SEZ6L: variants seen among roughly 807,000 people sequenced by gnomAD.
SEZ6L encodes seizure related 6 homolog like, also known as seizure 6-like protein.
Under a neutral mutation model 106.2 loss-of-function variants are expected in SEZ6L, and 37 were observed. The ratio of observed to expected loss-of-function variants is 0.35; its 90% confidence interval spans 0.27 to 0.46. SEZ6L has a LOEUF of 0.46. SEZ6L is among the 20% of genes least tolerant of loss of function. SEZ6L has a pLI of 1.00. For synonymous variants in SEZ6L, 541 were observed against 570.4 expected, an observed-to-expected ratio of 0.95 and a Z score of 0.73; for missense variants, 1,172 against 1,332.8, an observed-to-expected ratio of 0.88 and a Z score of 1.88.
At chr22:26,261,941 G>T (rs1422446427) in intron 1 of SEZ6L, among the ~76,000 whole-genome samples, 1 of 152,100 alleles carries the variant, frequency 6.6e-6, no homozygotes, top group Admixed American at 6.6e-5. Flanking sequence ...GTGGATTTCA[G>T]CTGAGTGATC....
chr22:26,298,919 G>A, intron 4 of SEZ6L, 65 bp from the exon 5 acceptor site: 1 of 1,453,100 alleles, frequency 6.9e-7, no homozygotes. Flanking sequence ...CTCCCAGGAT[G>A]TGGGTCAGGT....
At chr22:26,256,538 T>G (rs747439815) in intron 1 of SEZ6L, among the ~76,000 whole-genome samples, 1 of 152,232 alleles carries the variant, frequency 6.6e-6, no homozygotes, top group Non-Finnish European at 1.5e-5. Flanking sequence ...AAGACACAGA[T>G]GCCTCAGTGC....
intron 5 of SEZ6L, among the ~76,000 whole-genome samples, chr22:26,303,044 G>A (rs1452991475): frequency 6.6e-6 from 1 of 152,210 alleles, no homozygotes; most frequent in Non-Finnish European, 1.5e-5. Flanking sequence ...TGTCCTATAA[G>A]GAGGGTGGAC....
At chr22:26,243,053 CCT>C (rs2145774748) in intron 1 of SEZ6L, among the ~76,000 whole-genome samples, 1 of 152,268 alleles carries the variant, frequency 6.6e-6, no homozygotes, top group South Asian at 2.1e-4. Flanking sequence ...CTCTGCTCTA[CCT>C]CTGTCTCATA....
intron 1 of SEZ6L, among the ~76,000 whole-genome samples, chr22:26,219,796 T>C (rs945876142): frequency 6.6e-6 from 1 of 151,980 alleles, no homozygotes. Flanking sequence ...CAAGGCCTGT[T>C]GAGGGAGGTA....
At chr22:26,247,355 A>C (rs927604349) in intron 1 of SEZ6L, among the ~76,000 whole-genome samples, 4 of 152,202 alleles carry the variant, frequency 2.6e-5, no homozygotes, top group African/African-American at 9.7e-5. Context: ...ATGTCTGCCG[A>C]AAAGCTCAGG....
At chr22:26,219,736 A>C (rs1328881276) in intron 1 of SEZ6L, among the ~76,000 whole-genome samples, 1 of 152,364 alleles carries the variant, frequency 6.6e-6, no homozygotes, top group East Asian at 1.9e-4. Flanking sequence ...GCCTGGTGAC[A>C]GCGATGAAAA....
chr22:26,236,307 G>T (rs974552049), intron 1 of SEZ6L, among the ~76,000 whole-genome samples: 1 of 152,162 alleles, frequency 6.6e-6, no homozygotes, highest in African/African-American at 2.4e-5. Flanking sequence ...GAGGGGGACC[G>T]ACCCTCTAAT....
chr22:26,290,777 C>T (rs1402830181), intron 1 of SEZ6L, among the ~76,000 whole-genome samples: 1 of 152,236 alleles, frequency 6.6e-6, no homozygotes, highest in Non-Finnish European at 1.5e-5. Flanking sequence ...CCGTACTCTC[C>T]ACTTGTGCTC....
At chr22:26,305,947 T>C in intron 5 of SEZ6L, 32 bp from the exon 6 acceptor site, 1 of 1,519,176 alleles carries the variant, frequency 6.6e-7, no homozygotes, top group Non-Finnish European at 9.1e-7. Flanking sequence ...CTCTGCTCTC[T>C]CCCATTGCCC....
chr22:26,322,373 T>C (rs12160556), intron 9 of SEZ6L, among the ~76,000 whole-genome samples: 3,314 of 152,208 alleles, frequency 0.022, 127 homozygotes, highest in African/African-American at 0.076. Context: ...GTCTCGGCAA[T>C]GTAGCAGCGA....
At chr22:26,295,969 A>G (rs1432064282) in intron 3 of SEZ6L, among the ~76,000 whole-genome samples, 2 of 152,150 alleles carry the variant, frequency 1.3e-5, no homozygotes, top group African/African-American at 4.8e-5. Context: ...ATCAAAGAGA[A>G]AAGAGGATAA....
chr22:26,202,548 C>G (rs904116931), intron 1 of SEZ6L, among the ~76,000 whole-genome samples: 5 of 152,234 alleles, frequency 3.3e-5, no homozygotes, highest in Non-Finnish European at 7.3e-5. Context: ...CTTGAGGACA[C>G]TGTCAGGCAC....
At chr22:26,310,629 G>A (rs750638918) in intron 6 of SEZ6L, 41 bp from the exon 7 acceptor site, 14 of 1,608,758 alleles carry the variant, frequency 8.7e-6, no homozygotes, top group African/African-American at 1.3e-5. Flanking sequence ...AGTGACCCAG[G>A]AAGATCTGTC....
intron 5 of SEZ6L, among the ~76,000 whole-genome samples, chr22:26,304,667 G>A (rs1356273932): frequency 6.6e-6 from 1 of 152,090 alleles, no homozygotes; most frequent in African/African-American, 2.4e-5. Context: ...TGAAGTGTAA[G>A]AAATAGGAAC....
In SEZ6L at chr22:26,344,968, T is replaced by A. The variant is rs77862611; in HGVS notation, c.2213-2751T>A. Among the ~76,000 whole-genome samples, 1,260 of 152,282 alleles carry A rather than the reference T, an allele frequency of 8.3e-3. 22 individuals carry two copies. Among genetic ancestry groups the A allele is most frequent in the East Asian group, 0.063 (325 of 5,192 alleles). ...CCTAGGACAGTTTTCTAATTCTTAGTAAAGTTAACAAGGGCCCATGGGAAC... is the reference window on the plus strand; with the variant it reads ...CCTAGGACAGTTTTCTAATTCTTAGAAAAGTTAACAAGGGCCCATGGGAAC... On this transcript the variant is annotated intron_variant, in intron 10 of 16. Coordinates refer to ENST00000248933, the MANE Select transcript of SEZ6L (RefSeq NM_021115.5).
intron 3 of SEZ6L, among the ~76,000 whole-genome samples, chr22:26,295,983 A>G (rs2081290032): frequency 6.6e-6 from 1 of 152,216 alleles, no homozygotes; most frequent in African/African-American, 2.4e-5. Flanking sequence ...AGGATAAGAT[A>G]TAGGGCCTGA....
At chr22:26,377,606 C>G (rs2084271900) in intron 15 of SEZ6L, 67 bp from the exon 16 acceptor site, 1 of 1,312,234 alleles carries the variant, frequency 7.6e-7, no homozygotes, top group Non-Finnish European at 1.1e-6. Context: ...CCAACTGTTC[C>G]CGTTCAATAT....
In SEZ6L at chr22:26,327,334, A is replaced by C. The variant is rs371874196; in HGVS notation, c.2016-13102A>C. On this transcript the variant is annotated intron_variant, in intron 9 of 16. Coordinates refer to ENST00000248933, the MANE Select transcript of SEZ6L (RefSeq NM_021115.5). ...CACTACACACACCACACACACCCCC[A>C]CACACACACCACACACATGCCACAC... 5.8e-3 allele frequency among the ~76,000 whole-genome samples: 726 copies of C among 124,722 alleles called. 5 individuals carry two copies. Among genetic ancestry groups the C allele is most frequent in the African/African-American group, 0.021 (638 of 29,794 alleles). The allele number at this position is 124,722 out of a possible 152,430, so 81.8% of individuals were successfully genotyped here.
Sources: allele counts gnomAD v4.1 joint callset (sites outside exome capture counted in the v4.1 genomes callset), GRCh38; gene constraint gnomAD v4.1.1; transcripts MANE v1.5; gene names NCBI Gene and HGNC (gene_info 2026-07-23, HGNC 2026-07-21).